LINC00305: variants seen among roughly 807,000 people sequenced by gnomAD.
The protein encoded by LINC00305 is long independently transcribed non-coding RNA 305, also known as long intergenic non-protein coding RNA 305.
At chr18:64,139,431 T>G (rs1422235199) in intron 1 of LINC00305, 2 of 152,220 alleles carry the variant, frequency 1.3e-5, no homozygotes, top group African/African-American at 4.8e-5. Flanking sequence ...TGTGGTTAGA[T>G]ACAGCAGAGC....
At chr18:64,111,891 T>G (rs1490561404) in intron 1 of LINC00305, among the ~76,000 whole-genome samples, 1 of 152,208 alleles carries the variant, frequency 6.6e-6, no homozygotes, top group African/African-American at 2.4e-5. Flanking sequence ...GGAACAGTAA[T>G]GTATGCAAAC....
At chr18:64,088,005 C>G (rs1408627380) in intron 3 of LINC00305, among the ~76,000 whole-genome samples, 1 of 152,090 alleles carries the variant, frequency 6.6e-6, no homozygotes, top group Non-Finnish European at 1.5e-5. Flanking sequence ...CGCCTGTAGT[C>G]CCAGCTACCT....
intron 1 of LINC00305, among the ~76,000 whole-genome samples, chr18:64,135,748 G>A (rs1320736006): frequency 6.6e-6 from 1 of 152,006 alleles, no homozygotes; most frequent in Non-Finnish European, 1.5e-5. Context: ...ACCATGCCTG[G>A]CAATTTTTTA....
At chr18:64,083,515 G>A (rs996770850) in intron 3 of LINC00305, among the ~76,000 whole-genome samples, 2 of 152,196 alleles carry the variant, frequency 1.3e-5, no homozygotes, top group African/African-American at 2.4e-5. Context: ...AAACAGCCAA[G>A]AGAAAAAGTA....
At chr18:64,117,918 C>G (rs2051344894) in intron 1 of LINC00305, among the ~76,000 whole-genome samples, 1 of 152,156 alleles carries the variant, frequency 6.6e-6, no homozygotes, top group Admixed American at 6.5e-5. Context: ...CTTTTCTTTT[C>G]TTTGACCTTC....
At chr18:64,144,817 C>T (rs1336598032) in intron 1 of LINC00305, among the ~76,000 whole-genome samples, 1 of 152,168 alleles carries the variant, frequency 6.6e-6, no homozygotes, top group Non-Finnish European at 1.5e-5. Context: ...GATGTGCTTC[C>T]CCCTGCAGAG....
chr18:64,116,972 C>T (rs551027217), intron 1 of LINC00305, among the ~76,000 whole-genome samples: 25 of 152,288 alleles, frequency 1.6e-4, no homozygotes, highest in African/African-American at 4.8e-4. Context: ...ATTCACACAA[C>T]GGCATTTTTA....
intron 1 of LINC00305, among the ~76,000 whole-genome samples, chr18:64,103,877 G>A (rs1246935289): frequency 6.6e-6 from 1 of 152,198 alleles, no homozygotes. Flanking sequence ...AGAATGATCT[G>A]TGGACATGGA....
At chr18:64,110,418 C>A (rs896171285) in intron 1 of LINC00305, among the ~76,000 whole-genome samples, 1 of 152,092 alleles carries the variant, frequency 6.6e-6, no homozygotes, top group Non-Finnish European at 1.5e-5. Flanking sequence ...GTCTCTACAA[C>A]CGGATGATAG....
At chr18:64,148,465 T>C (rs2144288214) in intron 1 of LINC00305, among the ~76,000 whole-genome samples, 1 of 152,162 alleles carries the variant, frequency 6.6e-6, no homozygotes. Flanking sequence ...AAGCCAGGCT[T>C]GCAACTCACT....
chr18:64,134,066 G>T (rs947222081), intron 1 of LINC00305, among the ~76,000 whole-genome samples: 10 of 152,136 alleles, frequency 6.6e-5, no homozygotes, highest in African/African-American at 2.4e-4. Context: ...CAGACAAAAA[G>T]ATTTTTAATT....
intron 1 of LINC00305, among the ~76,000 whole-genome samples, chr18:64,144,084 G>C (rs150078915): frequency 2.1e-3 from 322 of 152,252 alleles, no homozygotes; most frequent in African/African-American, 7.2e-3. Flanking sequence ...TTTATGCCCT[G>C]TTTGGCTTCT....
chr18:64,121,567 C>T (rs1164152455), intron 1 of LINC00305, among the ~76,000 whole-genome samples: 1 of 152,038 alleles, frequency 6.6e-6, no homozygotes, highest in Non-Finnish European at 1.5e-5. Flanking sequence ...GGTATATATG[C>T]CACATTTTCT....
intron 1 of LINC00305, among the ~76,000 whole-genome samples, chr18:64,120,402 A>G (rs1377467301): frequency 6.6e-6 from 1 of 152,112 alleles, no homozygotes; most frequent in African/African-American, 2.4e-5. Context: ...TGATCTCCTT[A>G]TCCCTGTGTG....
chr18:64,143,619 C>A, intron 1 of LINC00305, among the ~76,000 whole-genome samples: 1 of 120,318 alleles, frequency 8.3e-6, no homozygotes, highest in African/African-American at 3.7e-5. Flanking sequence ...CATATGTACA[C>A]ATATGTATGT....
At chr18:64,134,535 G>A (rs1333951639) in intron 1 of LINC00305, among the ~76,000 whole-genome samples, 1 of 152,074 alleles carries the variant, frequency 6.6e-6, no homozygotes, top group Non-Finnish European at 1.5e-5. Context: ...AGTCAATCTT[G>A]TTTATTTCGC....
chr18:64,133,637 T>G (rs1599227981), intron 1 of LINC00305, among the ~76,000 whole-genome samples: 2 of 152,178 alleles, frequency 1.3e-5, no homozygotes, highest in South Asian at 4.1e-4. Context: ...GCCTTTACTT[T>G]GTTTGTCTTG....
chr18:64,084,556 A>G (rs1418231885), intron 3 of LINC00305, among the ~76,000 whole-genome samples: 1 of 152,244 alleles, frequency 6.6e-6, no homozygotes, highest in Non-Finnish European at 1.5e-5. Context: ...ATTTTACTCC[A>G]TATTATAAAA....
intron 1 of LINC00305, among the ~76,000 whole-genome samples, chr18:64,109,553 G>A (rs2051306175): frequency 2.0e-5 from 3 of 151,820 alleles, no homozygotes; most frequent in Admixed American, 1.3e-4. Context: ...TGTCATCATC[G>A]GCCTCATCGT....
Sources: gnomAD v4.1 joint callset for allele counts (sites outside exome capture counted in the v4.1 genomes callset) on GRCh38, gnomAD v4.1.1 for gene constraint, MANE v1.5 for transcripts, NCBI Gene and HGNC (gene_info 2026-07-23, HGNC 2026-07-21) for gene names.